Variants in EEFSEC observed in about 807,000 individuals in gnomAD.
EEFSEC encodes the protein eukaryotic elongation factor, selenocysteine-tRNA specific, also known as selenocysteine-specific elongation factor.
EEFSEC carries 43 observed loss-of-function variants against 42.1 expected under a neutral mutation model. The observed-to-expected ratio is 1.02, with a 90% CI of 0.80 to 1.32. The LOEUF is 1.32. EEFSEC is among the 40% of genes most tolerant of loss of function. The probability of loss-of-function intolerance (pLI) is 0.00; values close to 1 mark genes in which losing one functional copy is unlikely to be tolerated. For missense variants in EEFSEC, 745 were observed against 803.6 expected (o/e 0.93, Z 0.88); for synonymous variants, 354 against 339.1 (o/e 1.04, Z -0.48).
intron 6 of EEFSEC, among the ~76,000 whole-genome samples, chr3:128,402,964 A>G (rs2068065139): frequency 6.6e-6 from 1 of 152,230 alleles, no homozygotes; most frequent in Non-Finnish European, 1.5e-5. Flanking sequence ...AGAGGCAGAC[A>G]ACAAACCCAA....
chr3:128,374,675 T>C (rs1278489936), intron 6 of EEFSEC, among the ~76,000 whole-genome samples: 2 of 150,428 alleles, frequency 1.3e-5, no homozygotes, highest in Non-Finnish European at 2.9e-5. Flanking sequence ...AAGTTAGAAA[T>C]TGTTAAAAAA....
chr3:128,384,667 G>A (rs2067816757), intron 6 of EEFSEC, among the ~76,000 whole-genome samples: 1 of 152,212 alleles, frequency 6.6e-6, no homozygotes. Flanking sequence ...AACTGAGGCT[G>A]GAGAGGGAAC....
intron 1 of EEFSEC, among the ~76,000 whole-genome samples, chr3:128,204,132 G>A (rs575520116): frequency 9.2e-5 from 14 of 152,158 alleles, no homozygotes; most frequent in African/African-American, 3.4e-4. Context: ...ACAGTGTCAC[G>A]GAATAAAACT....
intron 1 of EEFSEC, among the ~76,000 whole-genome samples, chr3:128,196,444 G>C (rs1247223508): frequency 2.0e-5 from 3 of 152,042 alleles, no homozygotes; most frequent in Non-Finnish European, 4.4e-5. Context: ...ACTTTTTTCT[G>C]ATTATAAAAC....
At chr3:128,350,445 A>T (rs749217294) in intron 5 of EEFSEC, among the ~76,000 whole-genome samples, 2 of 152,220 alleles carry the variant, frequency 1.3e-5, no homozygotes, top group African/African-American at 2.4e-5. Context: ...GTTGAAGGCC[A>T]CATTGGCTCC....
chr3:128,326,073 G>T (rs183573551), intron 4 of EEFSEC, among the ~76,000 whole-genome samples: 23 of 152,300 alleles, frequency 1.5e-4, no homozygotes, highest in Non-Finnish European at 2.5e-4. Context: ...GTGGTGCTGG[G>T]GGAGCATCTG....
intron 1 of EEFSEC, among the ~76,000 whole-genome samples, chr3:128,203,429 G>C (rs1359854284): frequency 1.3e-5 from 2 of 152,322 alleles, no homozygotes; most frequent in East Asian, 3.9e-4. Context: ...GGCAGAGGAA[G>C]GGGATGGACA....
chr3:128,291,942 T>C (rs1386687190), intron 4 of EEFSEC, among the ~76,000 whole-genome samples: 3 of 152,220 alleles, frequency 2.0e-5, no homozygotes, highest in Non-Finnish European at 4.4e-5. Context: ...GTTTATCAGA[T>C]TCAAGAAGTT....
chr3:128,235,718 G>A (rs2066001682), intron 1 of EEFSEC, among the ~76,000 whole-genome samples: 1 of 152,222 alleles, frequency 6.6e-6, no homozygotes, highest in South Asian at 2.1e-4. Flanking sequence ...ACATGTCATG[G>A]TTTAGTTAAC....
intron 2 of EEFSEC, among the ~76,000 whole-genome samples, chr3:128,257,123 C>T (rs1175286960): frequency 6.6e-6 from 1 of 152,124 alleles, no homozygotes; most frequent in East Asian, 1.9e-4. Context: ...GCTCCAGTTG[C>T]ATCACTGTGG....
At chr3:128,178,969 G>A (rs1228431753) in intron 1 of EEFSEC, among the ~76,000 whole-genome samples, 3 of 152,200 alleles carry the variant, frequency 2.0e-5, no homozygotes, top group African/African-American at 7.2e-5. Context: ...GTGAAGCAAT[G>A]CAGAGATTTT....
chr3:128,294,335 G>A (rs1212466077), intron 4 of EEFSEC, among the ~76,000 whole-genome samples: 1 of 152,182 alleles, frequency 6.6e-6, no homozygotes, highest in Non-Finnish European at 1.5e-5. Flanking sequence ...AGTACATACA[G>A]GAAGACCTGC....
chr3:128,210,945 C>CT (rs1380473814), intron 1 of EEFSEC, among the ~76,000 whole-genome samples: 3 of 152,220 alleles, frequency 2.0e-5, no homozygotes, highest in African/African-American at 7.2e-5. Flanking sequence ...ATCTGTTAGA[C>CT]TGACTTCGCC....
chr3:128,175,416 G>T (rs1173351872), intron 1 of EEFSEC, among the ~76,000 whole-genome samples: 1 of 152,212 alleles, frequency 6.6e-6, no homozygotes, highest in Non-Finnish European at 1.5e-5. Context: ...TCCTACTGCT[G>T]TGCAGCCTGG....
intron 6 of EEFSEC, among the ~76,000 whole-genome samples, chr3:128,388,828 T>C (rs2067873247): frequency 6.6e-6 from 1 of 152,224 alleles, no homozygotes; most frequent in African/African-American, 2.4e-5. Flanking sequence ...AGGAGGGCTG[T>C]CTGTCTTGCC....
chr3:128,170,634 C>G (rs1392990458), intron 1 of EEFSEC, among the ~76,000 whole-genome samples: 2 of 152,172 alleles, frequency 1.3e-5, no homozygotes, highest in African/African-American at 4.8e-5. Flanking sequence ...ATGTTGCCAA[C>G]TTTTGAGGAT....
chr3:128,357,655 C>T (rs1463919500), intron 5 of EEFSEC, among the ~76,000 whole-genome samples: 1 of 152,048 alleles, frequency 6.6e-6, no homozygotes, highest in East Asian at 1.9e-4. Flanking sequence ...CTCTCGGGCT[C>T]CTGTGGGAGG....
chr3:128,209,628 G>T (rs1005218999), intron 1 of EEFSEC, among the ~76,000 whole-genome samples: 11 of 152,120 alleles, frequency 7.2e-5, no homozygotes, highest in Admixed American at 6.5e-4. Flanking sequence ...AGGAAATTTT[G>T]CATCACTAAG....
chr3:128,409,932 T>C (rs1233550201), downstream of EEFSEC, among the ~76,000 whole-genome samples: 1 of 152,206 alleles, frequency 6.6e-6, no homozygotes, highest in East Asian at 1.9e-4. Context: ...CCCAGGAAAC[T>C]GGCAGCAGCT....
Sources: gnomAD v4.1 joint callset for allele counts (sites outside exome capture counted in the v4.1 genomes callset) on GRCh38, gnomAD v4.1.1 for gene constraint, MANE v1.5 for transcripts, NCBI Gene and HGNC (gene_info 2026-07-23, HGNC 2026-07-21) for gene names.